Variants in NRXN3 observed in about 807,000 individuals in gnomAD.
NRXN3 encodes the protein neurexin 3, also known as neurexin III.
A neutral mutation model predicts 137.6 loss-of-function variants in NRXN3; 32 were observed. The ratio of observed to expected loss-of-function variants is 0.23; its 90% CI spans 0.18 to 0.31. The LOEUF is 0.31. Ranked by LOEUF, NRXN3 falls within the 10% of genes least tolerant of loss-of-function variation. The pLI, the probability that NRXN3 is intolerant of heterozygous loss-of-function variation, is 1.00. For missense variants in NRXN3, 1,574 were observed against 2,062.5 expected (o/e 0.76, Z 4.59); for synonymous variants, 798 against 784.5 (o/e 1.02, Z -0.29).
chr14:78,572,896 T>C (rs2096902673), intron 4 of NRXN3, among the ~76,000 whole-genome samples: 1 of 152,322 alleles, frequency 6.6e-6, no homozygotes, highest in South Asian at 2.1e-4. Flanking sequence ...AATTGGTGAC[T>C]GATATGGTCT....
chr14:78,699,706 T>G (rs1022531875), intron 6 of NRXN3, among the ~76,000 whole-genome samples: 4 of 152,212 alleles, frequency 2.6e-5, no homozygotes, highest in Admixed American at 2.6e-4. Context: ...CCTATTCACC[T>G]CATCTTAATT....
chr14:78,400,183 A>T (rs11159357), intron 4 of NRXN3, among the ~76,000 whole-genome samples: 105 of 152,126 alleles, frequency 6.9e-4, no homozygotes, highest in Non-Finnish European at 1.2e-3. Flanking sequence ...AATTTCTCTC[A>T]GACATAGAAA....
chr14:78,201,638 C>T (rs1469389290), intron 1 of NRXN3, among the ~76,000 whole-genome samples: 3 of 152,198 alleles, frequency 2.0e-5, no homozygotes, highest in Non-Finnish European at 4.4e-5. Flanking sequence ...AGTGAGAGAA[C>T]ACGCACAAAT....
intron 20 of NRXN3, among the ~76,000 whole-genome samples, chr14:79,849,676 C>T (rs191925197): frequency 6.5e-4 from 99 of 152,180 alleles, no homozygotes; most frequent in Non-Finnish European, 8.4e-4. Flanking sequence ...ATTGGTCCAG[C>T]CATTACAGAA....
intron 3 of NRXN3, among the ~76,000 whole-genome samples, chr14:78,297,267 T>C (rs919983514): frequency 8.5e-5 from 13 of 152,326 alleles, no homozygotes; most frequent in Admixed American, 3.3e-4. Flanking sequence ...AGGAACTTAT[T>C]TGATACATTC....
At chr14:79,713,608 T>G (rs1267861806) in intron 19 of NRXN3, among the ~76,000 whole-genome samples, 1 of 134,880 alleles carries the variant, frequency 7.4e-6, no homozygotes, top group African/African-American at 2.6e-5. Context: ...TACATATACA[T>G]ATACATATGT....
At chr14:78,570,983 C>T (rs537633197) in intron 4 of NRXN3, among the ~76,000 whole-genome samples, 1 of 152,224 alleles carries the variant, frequency 6.6e-6, no homozygotes, top group East Asian at 1.9e-4. Context: ...GGGGTGGGGA[C>T]AGCAGCCCCG....
At chr14:79,154,784 C>T (rs2060110441) in intron 15 of NRXN3, among the ~76,000 whole-genome samples, 1 of 151,914 alleles carries the variant, frequency 6.6e-6, no homozygotes, top group Non-Finnish European at 1.5e-5. Context: ...CATTAAACTA[C>T]TTGATAGTCT....
At chr14:79,748,287 G>A (rs1235890074) in intron 19 of NRXN3, among the ~76,000 whole-genome samples, 2 of 152,140 alleles carry the variant, frequency 1.3e-5, no homozygotes, top group African/African-American at 2.4e-5. Flanking sequence ...AGTTATAAGG[G>A]AGGGTACACA....
At chr14:79,397,568 C>A (rs1368108076) in intron 15 of NRXN3, among the ~76,000 whole-genome samples, 2 of 152,224 alleles carry the variant, frequency 1.3e-5, no homozygotes, top group African/African-American at 4.8e-5. Flanking sequence ...AATAACAACA[C>A]TCAAATTAAA....
chr14:78,640,663 G>A (rs1307574324), intron 4 of NRXN3, among the ~76,000 whole-genome samples: 10 of 152,102 alleles, frequency 6.6e-5, no homozygotes, highest in Non-Finnish European at 1.3e-4. Flanking sequence ...GAATTAATCA[G>A]CCATTTGAAA....
intron 15 of NRXN3, among the ~76,000 whole-genome samples, chr14:79,015,561 A>T (rs2099577837): frequency 6.6e-6 from 1 of 152,172 alleles, no homozygotes; most frequent in Admixed American, 6.5e-5. Context: ...ATTCTTGAGC[A>T]TGAGTAGAAC....
At chr14:78,186,053 G>A (rs1312463627) in intron 1 of NRXN3, among the ~76,000 whole-genome samples, 1 of 152,204 alleles carries the variant, frequency 6.6e-6, no homozygotes, top group East Asian at 1.9e-4. Flanking sequence ...GGGACAGGAA[G>A]GACACTGCCT....
At position 79,011,143 on chromosome 14, in the gene NRXN3, A is replaced by T. The variant is rs143104771; in HGVS notation, c.3262+23002A>T. Among the ~76,000 whole-genome samples the T allele has an allele frequency of 1.8e-3, 278 of 152,322 alleles. 1 individual carries two copies. The highest frequency in any genetic ancestry group is 6.8e-3 in the Middle Eastern group (2 of 294). ...ATTAACAGGTTTGGAGGATAATAAAAGGAGTTGTTGTTTGTTCTTTCTTTG... is the reference window on the plus strand; with the variant it reads ...ATTAACAGGTTTGGAGGATAATAAATGGAGTTGTTGTTTGTTCTTTCTTTG... On this transcript the variant is annotated intron_variant, in intron 15 of 20. Transcript: ENST00000335750.
intron 10 of NRXN3, among the ~76,000 whole-genome samples, chr14:78,815,735 A>G (rs1408042278): frequency 6.6e-6 from 1 of 152,032 alleles, no homozygotes; most frequent in Non-Finnish European, 1.5e-5. Context: ...AGAATCTCAG[A>G]GCCAAATTGT....
intron 19 of NRXN3, among the ~76,000 whole-genome samples, chr14:79,767,649 A>G (rs1392104122): frequency 6.6e-6 from 1 of 152,232 alleles, no homozygotes. Context: ...GTATTAATTC[A>G]CTTAATTCTC....
intron 14 of NRXN3, among the ~76,000 whole-genome samples, chr14:78,983,043 CA>C (rs2099493515): frequency 6.6e-6 from 1 of 152,092 alleles, no homozygotes; most frequent in Non-Finnish European, 1.5e-5. Flanking sequence ...AAATGCTCAA[CA>C]TCACTCATCT....
chr14:79,432,901 G>T (rs1265535020), intron 15 of NRXN3, among the ~76,000 whole-genome samples: 1 of 152,184 alleles, frequency 6.6e-6, no homozygotes, highest in African/African-American at 2.4e-5. Flanking sequence ...TCACACTGCA[G>T]TAAATGTATG....
intron 16 of NRXN3, among the ~76,000 whole-genome samples, chr14:79,485,369 A>T (rs1352322190): frequency 6.6e-6 from 1 of 152,110 alleles, no homozygotes; most frequent in Non-Finnish European, 1.5e-5. Context: ...TGACAATTTC[A>T]GCTAAATTTT....
Sources: gnomAD v4.1 joint callset for allele counts (sites outside exome capture counted in the v4.1 genomes callset) on GRCh38, gnomAD v4.1.1 for gene constraint, MANE v1.5 for transcripts, NCBI Gene and HGNC (gene_info 2026-07-23, HGNC 2026-07-21) for gene names.